The following GABRB1 variants were observed in gnomAD, a reference collection of about 807,000 sequenced individuals.
GABRB1 encodes gamma-aminobutyric acid receptor subunit beta-1.
A neutral mutation model predicts 51.6 loss-of-function variants in GABRB1; 17 were observed. The ratio of observed to expected loss-of-function variants is 0.33; its 90% CI spans 0.23 to 0.49. The LOEUF is 0.49. Ranked by LOEUF, GABRB1 falls within the 20% of genes least tolerant of loss-of-function variation. GABRB1 has a pLI of 0.99. For synonymous variants in GABRB1, 247 were observed against 218.9 expected (o/e 1.13, Z -1.14); for missense variants, 410 against 600.6 (o/e 0.68, Z 3.32).
upstream of GABRB1, among the ~76,000 whole-genome samples, chr4:47,029,161 A>G (rs1725200663): frequency 6.6e-6 from 1 of 151,844 alleles, no homozygotes; most frequent in South Asian, 2.1e-4. Flanking sequence ...ATATTCTTAG[A>G]CTGCATGAGT....
chr4:47,423,458 G>A (rs181856828), intron 8 of GABRB1, among the ~76,000 whole-genome samples: 1 of 152,302 alleles, frequency 6.6e-6, no homozygotes, highest in East Asian at 1.9e-4. Context: ...CCCGTAGGTG[G>A]CTGAGTTTGT....
chr4:47,190,549 A>T (rs1719399150), intron 4 of GABRB1, among the ~76,000 whole-genome samples: 1 of 152,158 alleles, frequency 6.6e-6, no homozygotes, highest in Non-Finnish European at 1.5e-5. Flanking sequence ...AATCATTTTC[A>T]AAGGCTTTTA....
intron 5 of GABRB1, among the ~76,000 whole-genome samples, chr4:47,373,610 C>A (rs4695224): frequency 0.26 from 39,513 of 152,040 alleles, 5,501 homozygotes; most frequent in Middle Eastern, 0.37. Context: ...ATTAGGGTTC[C>A]ATTTGTCATC....
chr4:47,189,562 G>A (rs779398861), intron 4 of GABRB1, among the ~76,000 whole-genome samples: 4 of 151,638 alleles, frequency 2.6e-5, no homozygotes, highest in African/African-American at 7.3e-5. Flanking sequence ...GGAGGGTATC[G>A]GATAGTTTCT....
chr4:47,302,066 A>G (rs1724282857), intron 4 of GABRB1, among the ~76,000 whole-genome samples: 1 of 152,146 alleles, frequency 6.6e-6, no homozygotes, highest in African/African-American at 2.4e-5. Flanking sequence ...ATAAATTCGG[A>G]TATGTACTTT....
intron 3 of GABRB1, among the ~76,000 whole-genome samples, chr4:47,157,795 T>C (rs1311405023): frequency 6.6e-6 from 1 of 152,220 alleles, no homozygotes; most frequent in African/African-American, 2.4e-5. Context: ...GTTATCAATA[T>C]CATATGTCTG....
intron 8 of GABRB1, among the ~76,000 whole-genome samples, chr4:47,409,166 T>G (rs34594334): frequency 0.12 from 18,570 of 152,022 alleles, 1,249 homozygotes; most frequent in Middle Eastern, 0.28. Context: ...TAGAGTTGGG[T>G]GCCTGCGACT....
At position 47,032,018 on chromosome 4, in the gene GABRB1, C is replaced by G. The variant is rs374503142; in HGVS notation, c.172+13C>G. On this transcript the variant is annotated intron_variant, in intron 2 of 8. Coordinates refer to ENST00000295454, the MANE Select transcript of GABRB1 (RefSeq NM_000812.4). ...CCGGACTTCGGAGGTAACGCTTCAT[C>G]TTTTTTCAACCTGTAACCCATCCTT... 19 of 1,562,562 alleles carry G rather than the reference C, an allele frequency of 1.2e-5. No homozygotes were observed. Among genetic ancestry groups the G allele is most frequent in the African/African-American group, 4.2e-5 (3 of 71,404 alleles).
At chr4:47,051,158 G>A (rs1164483941) in intron 3 of GABRB1, among the ~76,000 whole-genome samples, 1 of 151,852 alleles carries the variant, frequency 6.6e-6, no homozygotes, top group African/African-American at 2.4e-5. Context: ...AGGAAGGAGG[G>A]AAAAAAAAGA....
At chr4:47,405,042 TA>T (rs1289559799) in intron 7 of GABRB1, among the ~76,000 whole-genome samples, 3 of 152,234 alleles carry the variant, frequency 2.0e-5, no homozygotes, top group African/African-American at 7.2e-5. Context: ...CACTTTTGCT[TA>T]AAAATGTAAA....
intron 3 of GABRB1, 123 bp from the exon 4 acceptor site, chr4:47,161,126 C>T (rs922164899): frequency 1.5e-6 from 1 of 668,052 alleles, no homozygotes; most frequent in Non-Finnish European, 2.5e-6. Context: ...TACCTTATAC[C>T]TCTAGGTGCA....
At chr4:47,336,030 A>T (rs1279516763) in intron 5 of GABRB1, among the ~76,000 whole-genome samples, 3 of 152,200 alleles carry the variant, frequency 2.0e-5, no homozygotes, top group Non-Finnish European at 2.9e-5. Flanking sequence ...ATCTACACTT[A>T]GAAGTAAACT....
At chr4:47,341,139 G>T (rs895342202) in intron 5 of GABRB1, among the ~76,000 whole-genome samples, 1 of 152,172 alleles carries the variant, frequency 6.6e-6, no homozygotes, top group Non-Finnish European at 1.5e-5. Context: ...TCAACTCCAT[G>T]AAATTTGCAT....
At chr4:47,274,126 G>GA (rs1722983615) in intron 4 of GABRB1, among the ~76,000 whole-genome samples, 1 of 151,926 alleles carries the variant, frequency 6.6e-6, no homozygotes, top group Non-Finnish European at 1.5e-5. Flanking sequence ...CTTAAAGCAA[G>GA]AAAAACCCAA....
At chr4:47,052,314 C>T (rs115846102) in intron 3 of GABRB1, among the ~76,000 whole-genome samples, 236 of 152,188 alleles carry the variant, frequency 1.6e-3, no homozygotes, top group African/African-American at 5.4e-3. Flanking sequence ...GGAAAGAGAG[C>T]ATGACAGCAA....
chr4:46,997,896 A>G (rs1179759203), intron 1 of GABRB1, among the ~76,000 whole-genome samples: 1 of 152,204 alleles, frequency 6.6e-6, no homozygotes, highest in Non-Finnish European at 1.5e-5. Flanking sequence ...TAGAGCTCAG[A>G]TATCTCTACA....
chr4:47,118,488 C>T (rs933549808), intron 3 of GABRB1, among the ~76,000 whole-genome samples: 1 of 152,062 alleles, frequency 6.6e-6, no homozygotes, highest in African/African-American at 2.4e-5. Flanking sequence ...AATTGAAACC[C>T]TTTCAAAAGT....
Position 47,409,084 on chromosome 4 carries a change from G to A in GABRB1, c.1080+2158G>A, listed in dbSNP as rs113070616. ...TGCCATGCACTCAAACCTTATGGGA[G>A]GGGGAGCATGCAGACGGGCAGGTGT... is the stretch of plus-strand genomic sequence containing the variant. On this transcript the variant is annotated intron_variant, in intron 8 of 8. Coordinates refer to ENST00000295454, the MANE Select transcript of GABRB1 (RefSeq NM_000812.4). 7.7e-4 allele frequency among the ~76,000 whole-genome samples: 118 copies of A among 152,310 alleles called. 1 individual carries two copies. Among genetic ancestry groups the A allele is most frequent in the African/African-American group, 2.6e-3 (108 of 41,564 alleles).
intron 1 of GABRB1, among the ~76,000 whole-genome samples, chr4:46,997,576 A>G (rs907295543): frequency 2.0e-5 from 3 of 152,042 alleles, no homozygotes; most frequent in Admixed American, 6.6e-5. Flanking sequence ...TAGATTCCAC[A>G]AATAAGTGAG....
Sources: gnomAD v4.1 joint callset for allele counts (sites outside exome capture counted in the v4.1 genomes callset) on GRCh38, gnomAD v4.1.1 for gene constraint, MANE v1.5 for transcripts, NCBI Gene and HGNC (gene_info 2026-07-23, HGNC 2026-07-21) for gene names.